The following KIAA1671 variants were observed in gnomAD, a reference collection of about 807,000 sequenced individuals.
KIAA1671 encodes uncharacterized protein KIAA1671.
Under a neutral mutation model 131.2 loss-of-function variants are expected in KIAA1671, and 52 were observed. The ratio of observed to expected loss-of-function variants is 0.40; its 90% CI spans 0.32 to 0.50. The LOEUF is 0.50. KIAA1671 is among the 20% of genes least tolerant of loss of function. The pLI, the probability that KIAA1671 is intolerant of heterozygous loss-of-function variation, is 0.73. For synonymous variants in KIAA1671, 1,003 were observed against 961.6 expected (o/e 1.04, Z -0.80); for missense variants, 2,360 against 2,364.2 (o/e 1.00, Z 0.04).
intron 1 of KIAA1671, among the ~76,000 whole-genome samples, chr22:24,997,487 G>T (rs932134270): frequency 1.3e-5 from 2 of 152,090 alleles, no homozygotes. Context: ...CTGACATGTC[G>T]ATGTCCGGGA....
intron 6 of KIAA1671, among the ~76,000 whole-genome samples, chr22:25,074,803 C>T (rs1404545651): frequency 2.0e-5 from 3 of 152,064 alleles, no homozygotes; most frequent in Non-Finnish European, 4.4e-5. Flanking sequence ...CGGGTGTGTC[C>T]ACCTCTTGGC....
chr22:25,153,792 G>C (rs1282201099), intron 6 of KIAA1671, among the ~76,000 whole-genome samples: 1 of 152,210 alleles, frequency 6.6e-6, no homozygotes. Context: ...GCATCCCAGA[G>C]GCCTTTGGGA....
intron 6 of KIAA1671, among the ~76,000 whole-genome samples, chr22:25,121,461 C>CAAA (rs374457851): frequency 1.6e-5 from 1 of 61,334 alleles, no homozygotes. Context: ...GACTCCATCT[C>CAAA]AAAAAAAAAA....
intron 6 of KIAA1671, among the ~76,000 whole-genome samples, chr22:25,132,637 G>T (rs1355114094): frequency 6.6e-6 from 1 of 152,128 alleles, no homozygotes; most frequent in Non-Finnish European, 1.5e-5. Flanking sequence ...GAATATCAGG[G>T]CTTGGAAGTG....
chr22:25,001,391 A>G (rs893041747), intron 1 of KIAA1671, among the ~76,000 whole-genome samples: 1 of 152,118 alleles, frequency 6.6e-6, no homozygotes. Flanking sequence ...AATCTATTCC[A>G]TGTTTTCCTC....
chr22:25,101,780 G>C (rs781505005), intron 6 of KIAA1671, among the ~76,000 whole-genome samples: 3 of 152,178 alleles, frequency 2.0e-5, no homozygotes, highest in African/African-American at 7.2e-5. Context: ...CAGTGGGTAC[G>C]ATGAGAGCCT....
chr22:24,989,908 A>G (rs5760774), intron 1 of KIAA1671, among the ~76,000 whole-genome samples: 22,446 of 151,838 alleles, frequency 0.15, 1,908 homozygotes, highest in East Asian at 0.28. Flanking sequence ...AGCCCCAGAA[A>G]CCTTGTTGGG....
intron 6 of KIAA1671, among the ~76,000 whole-genome samples, chr22:25,168,635 G>A (rs1387572256): frequency 6.6e-6 from 1 of 152,150 alleles, no homozygotes; most frequent in African/African-American, 2.4e-5. Context: ...GGAGGTTGCG[G>A]TGAGCCAAGA....
At chr22:25,173,871 A>C (rs912765341) in intron 7 of KIAA1671, among the ~76,000 whole-genome samples, 1 of 151,802 alleles carries the variant, frequency 6.6e-6, no homozygotes, top group African/African-American at 2.4e-5. Flanking sequence ...GGTATAGGAA[A>C]TCCAGTGTGT....
intron 1 of KIAA1671, among the ~76,000 whole-genome samples, chr22:25,017,225 A>G (rs753329897): frequency 2.0e-5 from 3 of 152,174 alleles, no homozygotes; most frequent in Non-Finnish European, 4.4e-5. Flanking sequence ...TCTACTAAAA[A>G]TACAAAAGTT....
chr22:25,054,652 C>G (rs1431683375), intron 6 of KIAA1671: 1 of 149,862 alleles, frequency 6.7e-6, no homozygotes, highest in Non-Finnish European at 1.5e-5. Context: ...TATCCGGAAG[C>G]TCCCTAATAG....
chr22:24,967,068 C>CT lies in KIAA1671; in HGVS notation c.-208+14304dup, dbSNP rs546903222. On this transcript the variant is annotated intron_variant, in intron 1 of 12. Transcript: ENST00000358431. Reference sequence around the variant, plus strand: ...AGTATACCCCCTCCCCTCTCTGGACCTTTTTTTTACAGGAGGACAAGGAAC... The same window carrying CT: ...AGTATACCCCCTCCCCTCTCTGGACCTTTTTTTTTACAGGAGGACAAGGAAC... Among the ~76,000 whole-genome samples, 217 of 151,982 alleles carry CT rather than the reference C, an allele frequency of 1.4e-3. 1 individual carries two copies. Among genetic ancestry groups the CT allele is most frequent in the Admixed American group, 3.6e-3 (55 of 15,262 alleles).
At chr22:24,984,242 T>C (rs1339884097) in intron 1 of KIAA1671, among the ~76,000 whole-genome samples, 2 of 152,194 alleles carry the variant, frequency 1.3e-5, no homozygotes, top group Non-Finnish European at 2.9e-5. Flanking sequence ...CCCTCCAGTG[T>C]TCTAAGCCTC....
Position 25,039,946 on chromosome 22 carries a change from C to T in KIAA1671, c.2816C>T (p.Ala939Val). 6.4e-7 allele frequency: 1 copy of T among 1,551,462 alleles called. No homozygotes were observed. Among genetic ancestry groups the T allele is most frequent in the East Asian group, 2.4e-5 (1 of 40,918 alleles). ...QPAVRMRKAGAMDQRMDRWRR... is the reference protein window; with the variant it reads ...QPAVRMRKAGVMDQRMDRWRR... The stretch of plus-strand genomic sequence containing the variant: ...GCAGTCAGAATGCGGAAAGCCGGCG[C>T]CATGGACCAGAGAATGGACAGATGG... Residue 939 changes from alanine to valine, a missense_variant, in exon 5 of 13, where the codon GCC becomes GTC. Physicochemically the swap from Ala to Val is moderately conservative, Grantham distance 64. Transcript: ENST00000358431.
At chr22:24,990,900 G>A (rs749745080) in intron 1 of KIAA1671, among the ~76,000 whole-genome samples, 19 of 129,328 alleles carry the variant, frequency 1.5e-4, no homozygotes, top group Non-Finnish European at 2.7e-4. Flanking sequence ...GTGCCACAGC[G>A]GAGGTCACAA....
intron 6 of KIAA1671, among the ~76,000 whole-genome samples, chr22:25,114,848 C>A (rs898735515): frequency 1.3e-5 from 2 of 152,196 alleles, no homozygotes; most frequent in Admixed American, 6.5e-5. Context: ...GAGTTTGGGA[C>A]AACAGCAGTA....
At chr22:25,034,824 G>A (rs890532163) in intron 4 of KIAA1671, among the ~76,000 whole-genome samples, 17 of 151,842 alleles carry the variant, frequency 1.1e-4, no homozygotes, top group Non-Finnish European at 2.4e-4. Flanking sequence ...TGCAAGCTCC[G>A]CCTCCTGGGT....
chr22:25,129,283 C>T (rs923910815), intron 6 of KIAA1671, among the ~76,000 whole-genome samples: 9 of 152,002 alleles, frequency 5.9e-5, no homozygotes, highest in Non-Finnish European at 8.8e-5. Context: ...CTTTGGGAGG[C>T]GGATCATGAG....
At chr22:25,147,086 C>G (rs923917296) in intron 6 of KIAA1671, among the ~76,000 whole-genome samples, 3 of 152,212 alleles carry the variant, frequency 2.0e-5, no homozygotes, top group African/African-American at 7.2e-5. Flanking sequence ...GCTCCACCCC[C>G]TTCCTTGCTC....
Sources: allele counts gnomAD v4.1 joint callset (sites outside exome capture counted in the v4.1 genomes callset), GRCh38; gene constraint gnomAD v4.1.1; transcripts MANE v1.5; gene names NCBI Gene and HGNC (gene_info 2026-07-23, HGNC 2026-07-21).